PIGN: variants seen among roughly 807,000 people sequenced by gnomAD.
PIGN encodes the protein GPI ethanolamine phosphate transferase 1.
A neutral mutation model predicts 125.4 loss-of-function variants in PIGN; 117 were observed. The ratio of observed to expected loss-of-function variants is 0.93; its 90% CI spans 0.80 to 1.09. The LOEUF is 1.09. PIGN is among the 50% of genes least tolerant of loss of function. The pLI, the probability that PIGN is intolerant of heterozygous loss-of-function variation, is 0.00. For synonymous variants in PIGN, 392 were observed against 377.8 expected (o/e 1.04, Z -0.44); for missense variants, 1,075 against 1,094.9 (o/e 0.98, Z 0.26).
At chr18:62,173,934 G>A (rs949418712) in intron 1 of PIGN, among the ~76,000 whole-genome samples, 2 of 152,046 alleles carry the variant, frequency 1.3e-5, no homozygotes, top group Non-Finnish European at 1.5e-5. Flanking sequence ...ATCATTTCTC[G>A]GCCGGGTGCG....
chr18:62,133,385 A>C (rs540006606), intron 14 of PIGN, among the ~76,000 whole-genome samples: 1 of 152,234 alleles, frequency 6.6e-6, no homozygotes, highest in Non-Finnish European at 1.5e-5. Flanking sequence ...TTTTAGAGTT[A>C]TAATAGCTTT....
At chr18:62,027,957 C>A (rs2030146005) in intron 23 of PIGN, among the ~76,000 whole-genome samples, 1 of 152,032 alleles carries the variant, frequency 6.6e-6, no homozygotes, top group Non-Finnish European at 1.5e-5. Context: ...AAGAAAAAGG[C>A]AATAAGGTGA....
rs112406385 is a variant in PIGN at position 62,085,459 on chromosome 18, C to T, written c.2371-195G>A. ...CAGCCAGATTGAAGAGGCTGTGTAC[C>T]GAGAATAATGAGGCCTGAGAGGTCA... is the stretch of plus-strand genomic sequence containing the variant. On this transcript the variant is annotated intron_variant, in intron 25 of 30. Coordinates refer to ENST00000640252, the MANE Select transcript of PIGN (RefSeq NM_176787.5). 0.035 allele frequency among the ~76,000 whole-genome samples: 5,253 copies of T among 152,080 alleles called. 291 individuals are homozygous for T. The highest frequency in any genetic ancestry group is 0.12 in the African/African-American group (4,934 of 41,458).
At chr18:62,149,386 T>G (rs1439044705) in intron 7 of PIGN, among the ~76,000 whole-genome samples, 3 of 152,166 alleles carry the variant, frequency 2.0e-5, no homozygotes, top group Non-Finnish European at 2.9e-5. Context: ...AATAAGCTCT[T>G]TAAGAGAAAA....
At chr18:62,073,067 G>A (rs1429635725) in intron 29 of PIGN, among the ~76,000 whole-genome samples, 1 of 152,130 alleles carries the variant, frequency 6.6e-6, no homozygotes, top group African/African-American at 2.4e-5. Context: ...AATATTTACT[G>A]TACTGACTAC....
At chr18:62,140,014 T>G (rs1196807936) in intron 12 of PIGN, among the ~76,000 whole-genome samples, 1 of 152,192 alleles carries the variant, frequency 6.6e-6, no homozygotes, top group East Asian at 1.9e-4. Context: ...TACATTTCTA[T>G]CAATTATAAC....
intron 28 of PIGN, chr18:62,076,128 G>T: frequency 6.6e-6 from 1 of 152,230 alleles, no homozygotes; most frequent in Non-Finnish European, 1.5e-5. Flanking sequence ...TAGAGACGGG[G>T]TTACACCATG....
chr18:62,052,897 G>A (rs1328976292), intron 30 of PIGN: 1 of 384,488 alleles, frequency 2.6e-6, no homozygotes, highest in Non-Finnish European at 4.6e-6. Flanking sequence ...GGGCAGGCCT[G>A]GTGGTGACAA....
intron 1 of PIGN, among the ~76,000 whole-genome samples, chr18:62,167,188 G>T (rs965901716): frequency 3.4e-5 from 5 of 147,708 alleles, no homozygotes; most frequent in South Asian, 2.2e-4. Flanking sequence ...GAGCAGGAGC[G>T]CTCTCTCTCT....
intron 14 of PIGN, among the ~76,000 whole-genome samples, chr18:62,135,382 C>G (rs958495827): frequency 2.0e-5 from 3 of 151,998 alleles, no homozygotes; most frequent in Admixed American, 6.6e-5. Context: ...CAGGGCTGGT[C>G]ACTATGCTCT....
At chr18:62,154,224 T>C (rs866857126) in intron 7 of PIGN, 24 of 358,308 alleles carry the variant, frequency 6.7e-5, no homozygotes, top group African/African-American at 4.4e-4. Context: ...ACATCTCATA[T>C]GGTCCATTAC....
At chr18:62,062,822 T>C (rs899908672) in intron 30 of PIGN, among the ~76,000 whole-genome samples, 1 of 151,372 alleles carries the variant, frequency 6.6e-6, no homozygotes, top group African/African-American at 2.4e-5. Context: ...TGCTGATATG[T>C]CATTCTGTTT....
At chr18:62,023,092 G>T (rs1347096510) in intron 23 of PIGN, among the ~76,000 whole-genome samples, 1 of 152,086 alleles carries the variant, frequency 6.6e-6, no homozygotes, top group Non-Finnish European at 1.5e-5. Flanking sequence ...TCCGCTATTG[G>T]TTGAATCCAC....
intron 25 of PIGN, among the ~76,000 whole-genome samples, chr18:62,086,113 T>A (rs1447792992): frequency 6.6e-6 from 1 of 152,040 alleles, no homozygotes; most frequent in Non-Finnish European, 1.5e-5. Flanking sequence ...ACTAAGAATA[T>A]AAACATAAAT....
downstream of PIGN, among the ~76,000 whole-genome samples, chr18:62,039,083 G>C (rs533340892): frequency 2.0e-5 from 3 of 151,772 alleles, no homozygotes; most frequent in Admixed American, 2.0e-4. Context: ...GAGAAATAAC[G>C]AAAACAGAAA....
chr18:62,030,891 G>C, intron 23 of PIGN, among the ~76,000 whole-genome samples: 1 of 152,062 alleles, frequency 6.6e-6, no homozygotes, highest in Admixed American at 6.5e-5. Context: ...GCTTGAGGAT[G>C]GTCCCAGCTA....
chr18:62,161,491 T>C (rs2036952400), intron 3 of PIGN, 106 bp from the exon 4 acceptor site: 2 of 571,130 alleles, frequency 3.5e-6, no homozygotes, highest in Non-Finnish European at 3.1e-6. Context: ...TTTTAATTAT[T>C]ATATAACTCA....
At chr18:62,065,089 G>A (rs902413516) in intron 30 of PIGN, among the ~76,000 whole-genome samples, 2 of 152,102 alleles carry the variant, frequency 1.3e-5, no homozygotes, top group Non-Finnish European at 2.9e-5. Context: ...ACAATAAAAG[G>A]CTAAAAGGCG....
intron 23 of PIGN, among the ~76,000 whole-genome samples, chr18:62,031,421 TG>T (rs2030191541): frequency 6.6e-6 from 1 of 152,226 alleles, no homozygotes; most frequent in East Asian, 1.9e-4. Flanking sequence ...GGAACAAATT[TG>T]TCTGAAACTA....
Sources: allele counts gnomAD v4.1 joint callset (sites outside exome capture counted in the v4.1 genomes callset), GRCh38; gene constraint gnomAD v4.1.1; transcripts MANE v1.5; gene names NCBI Gene and HGNC (gene_info 2026-07-23, HGNC 2026-07-21).